THSD7B: variants seen among roughly 807,000 people sequenced by gnomAD.
THSD7B encodes thrombospondin type-1 domain-containing protein 7B.
In THSD7B, 138 loss-of-function variants were observed where a neutral mutation model predicts 213.6. That is an observed-to-expected ratio of 0.65 (90% CI 0.56 to 0.74). The LOEUF (loss-of-function observed/expected upper bound fraction) is 0.74. Among genes scored for constraint, THSD7B ranks in the 30% least tolerant of loss-of-function variants. The pLI, the probability that THSD7B is intolerant of heterozygous loss-of-function variation, is 0.00. For synonymous variants in THSD7B, 742 were observed against 687.0 expected, an observed-to-expected ratio of 1.08 and a Z score of -1.25; for missense variants, 1,931 against 1,991.5, an observed-to-expected ratio of 0.97 and a Z score of 0.58.
chr2:137,147,612 G>A (rs1376056314), intron 5 of THSD7B, among the ~76,000 whole-genome samples: 1 of 151,888 alleles, frequency 6.6e-6, no homozygotes, highest in East Asian at 1.9e-4. Context: ...TGTTATTTTG[G>A]AGAATGTGGA....
intron 12 of THSD7B, among the ~76,000 whole-genome samples, chr2:137,278,330 G>T (rs1682918989): frequency 6.6e-6 from 1 of 152,082 alleles, no homozygotes; most frequent in Non-Finnish European, 1.5e-5. Context: ...CAGAGTTTTT[G>T]AATAAGATTG....
chr2:136,932,539 T>A (rs543986013), intron 2 of THSD7B, among the ~76,000 whole-genome samples: 1 of 152,214 alleles, frequency 6.6e-6, no homozygotes, highest in South Asian at 2.1e-4. Context: ...TAACCTATTT[T>A]GTATATTATA....
intron 1 of THSD7B, among the ~76,000 whole-genome samples, chr2:136,853,478 A>G (rs1336728003): frequency 2.0e-5 from 3 of 152,134 alleles, no homozygotes; most frequent in African/African-American, 2.4e-5. Context: ...AAATGATTCT[A>G]TGCTATTCTT....
In THSD7B at chr2:136,809,464, T is replaced by G. The variant is rs965690868; in HGVS notation, c.-36+43777T>G. ...CTTGGTCTTGTTGAAGTTGGTAGAC[T>G]TCAACCAAATTTAATGTGCCATGAC... On this transcript the variant is annotated intron_variant, in intron 1 of 27. Coordinates refer to ENST00000409968, the MANE Select transcript of THSD7B (RefSeq NM_001316349.2). Among the ~76,000 whole-genome samples, 80 of 152,254 alleles carry G rather than the reference T, an allele frequency of 5.3e-4. 1 individual carries two copies. Among genetic ancestry groups the G allele is most frequent in the African/African-American group, 1.8e-3 (73 of 41,534 alleles).
Position 137,162,246 on chromosome 2 carries a change from T to C in THSD7B, c.1525+1878T>C, listed in dbSNP as rs527749125. Among the ~76,000 whole-genome samples, 13 of 152,330 alleles carry C rather than the reference T, an allele frequency of 8.5e-5. No individual in the cohort carries two copies. The East Asian group carries it at 2.5e-3, about 29-fold the overall frequency. On this transcript the variant is annotated intron_variant, in intron 6 of 27. Transcript: ENST00000409968. ...ACCTTTACATTTCTCTCTCTCTCCATCTCTTGTGTCTGCTTTTCTCTATAT... is the reference window on the plus strand; with the variant it reads ...ACCTTTACATTTCTCTCTCTCTCCACCTCTTGTGTCTGCTTTTCTCTATAT...
intron 5 of THSD7B, among the ~76,000 whole-genome samples, chr2:137,122,653 T>C (rs1042866043): frequency 1.3e-5 from 2 of 152,100 alleles, no homozygotes; most frequent in Admixed American, 6.6e-5. Context: ...ACCTGAACTG[T>C]TAAGTCTCCA....
intron 17 of THSD7B, among the ~76,000 whole-genome samples, chr2:137,601,095 G>T (rs1464780153): frequency 6.6e-6 from 1 of 152,084 alleles, no homozygotes; most frequent in African/African-American, 2.4e-5. Context: ...TATTGTAAAA[G>T]AGTCAAAAAG....
At chr2:137,557,641 C>A (rs1176408901) in intron 15 of THSD7B, among the ~76,000 whole-genome samples, 1 of 152,052 alleles carries the variant, frequency 6.6e-6, no homozygotes, top group African/African-American at 2.4e-5. Flanking sequence ...ACCCTAACAT[C>A]ACAATTAAAA....
At chr2:137,513,462 C>T (rs1247007202) in intron 15 of THSD7B, among the ~76,000 whole-genome samples, 1 of 152,064 alleles carries the variant, frequency 6.6e-6, no homozygotes, top group East Asian at 1.9e-4. Context: ...ATAAAATCTT[C>T]TAATAATTTA....
At chr2:136,858,615 C>T (rs7560728) in intron 1 of THSD7B, among the ~76,000 whole-genome samples, 26,290 of 152,136 alleles carry the variant, frequency 0.17, 2,729 homozygotes, top group East Asian at 0.39. Context: ...AATAGTGATG[C>T]CACTGTGAAC....
At chr2:137,452,686 T>C (rs1687677528) in intron 15 of THSD7B, among the ~76,000 whole-genome samples, 1 of 152,176 alleles carries the variant, frequency 6.6e-6, no homozygotes, top group Non-Finnish European at 1.5e-5. Flanking sequence ...AGGATTTTAT[T>C]TGAACTCTGA....
intron 1 of THSD7B, among the ~76,000 whole-genome samples, chr2:136,862,447 A>T (rs1427618): frequency 0.32 from 48,450 of 152,118 alleles, 8,301 homozygotes; most frequent in Non-Finnish European, 0.38. Flanking sequence ...TCTTTGCTGA[A>T]CATTGAACAC....
intron 2 of THSD7B, among the ~76,000 whole-genome samples, chr2:137,035,585 T>C (rs1039951148): frequency 4.6e-5 from 7 of 151,978 alleles, no homozygotes; most frequent in African/African-American, 1.7e-4. Flanking sequence ...AACCATTCTA[T>C]CCTGAGATCC....
intron 2 of THSD7B, among the ~76,000 whole-genome samples, chr2:136,914,957 C>A (rs1684327419): frequency 6.6e-6 from 1 of 151,932 alleles, no homozygotes; most frequent in African/African-American, 2.4e-5. Context: ...AAGAGATAGG[C>A]AAGATAAATA....
intron 2 of THSD7B, 62 bp downstream of exon 2, chr2:136,882,379 T>G: frequency 7.4e-7 from 1 of 1,359,528 alleles, no homozygotes; most frequent in Non-Finnish European, 9.5e-7. Context: ...ATTCTTTCCA[T>G]CCTTCTTCTT....
At chr2:137,502,956 T>C (rs1294232139) in intron 15 of THSD7B, among the ~76,000 whole-genome samples, 2 of 152,328 alleles carry the variant, frequency 1.3e-5, no homozygotes, top group Admixed American at 6.5e-5. Context: ...TTTTAGAAGA[T>C]GCTAGTCATT....
At position 137,487,199 on chromosome 2, in the gene THSD7B, T is replaced by C. The variant is rs1287235291; in HGVS notation, c.3138+36176T>C. Among the ~76,000 whole-genome samples the C allele has an allele frequency of 7.5e-5, 11 of 146,766 alleles. No individual in the cohort carries two copies. In the South Asian group the frequency reaches 2.4e-3, roughly 31 times the overall value. On this transcript the variant is annotated intron_variant, in intron 15 of 27. Coordinates refer to ENST00000409968, the MANE Select transcript of THSD7B (RefSeq NM_001316349.2). ...CTGGCTAACAAGGTGAAACCCCGTC[T>C]CTACTAAAAATACAAAAAATTAGCC... is the stretch of plus-strand genomic sequence containing the variant.
chr2:137,026,374 G>A (rs1686556640), intron 2 of THSD7B, among the ~76,000 whole-genome samples: 1 of 152,100 alleles, frequency 6.6e-6, no homozygotes, highest in Non-Finnish European at 1.5e-5. Context: ...TTCTTCCATG[G>A]CCACATCTGA....
At position 137,580,749 on chromosome 2, in the gene THSD7B, G is replaced by A. The variant is rs1681556473; in HGVS notation, c.3423+8193G>A. 2.0e-5 allele frequency among the ~76,000 whole-genome samples: 3 copies of A among 152,188 alleles called. No individual in the cohort carries two copies. In the South Asian group the frequency reaches 6.2e-4, roughly 32 times the overall value. ...ATGGTTTCTGGGAAGGCCTCAGGAA[G>A]CTTTTACTTCGGTGAAGTGAGAGCA... On this transcript the variant is annotated intron_variant, in intron 17 of 27. Transcript: ENST00000409968.
Sources: allele counts gnomAD v4.1 joint callset (sites outside exome capture counted in the v4.1 genomes callset), GRCh38; gene constraint gnomAD v4.1.1; transcripts MANE v1.5; gene names NCBI Gene and HGNC (gene_info 2026-07-23, HGNC 2026-07-21).